Variants in PIP5K1B observed in about 807,000 individuals in gnomAD.
PIP5K1B encodes phosphatidylinositol-4-phosphate 5-kinase type 1 beta, also known as phosphatidylinositol 4-phosphate 5-kinase type-1 beta.
Under a neutral mutation model 67.0 loss-of-function variants are expected in PIP5K1B, and 42 were observed. That is an observed-to-expected ratio of 0.63 (90% CI 0.49 to 0.81). The LOEUF (loss-of-function observed/expected upper bound fraction) is 0.81. Ranked by LOEUF, PIP5K1B falls within the 30% of genes least tolerant of loss-of-function variation. PIP5K1B has a pLI of 0.00. For missense variants in PIP5K1B, 459 were observed against 646.3 expected (o/e 0.71, Z 3.14); for synonymous variants, 214 against 231.4 (o/e 0.92, Z 0.68).
chr9:69,000,559 C>G (rs1830778442), intron 15 of PIP5K1B, among the ~76,000 whole-genome samples: 1 of 152,154 alleles, frequency 6.6e-6, no homozygotes, highest in Non-Finnish European at 1.5e-5. Context: ...AGGATCTGTT[C>G]TAGCCTTTCG....
At chr9:68,994,284 C>T (rs896459243) in intron 15 of PIP5K1B, among the ~76,000 whole-genome samples, 6 of 151,938 alleles carry the variant, frequency 3.9e-5, no homozygotes, top group African/African-American at 1.2e-4. Flanking sequence ...TCAGGTGATC[C>T]GCCCGCCTCG....
intron 1 of PIP5K1B, among the ~76,000 whole-genome samples, chr9:68,710,072 T>C (rs893206121): frequency 6.6e-6 from 1 of 152,248 alleles, no homozygotes; most frequent in Non-Finnish European, 1.5e-5. Context: ...TTCTGTTAGA[T>C]GGTGAGTCAG....
chr9:68,922,868 C>T (rs1305130809), intron 11 of PIP5K1B, among the ~76,000 whole-genome samples: 1 of 152,202 alleles, frequency 6.6e-6, no homozygotes, highest in African/African-American at 2.4e-5. Flanking sequence ...GTCAATGTCA[C>T]TCTTACATTA....
At position 68,802,247 on chromosome 9, in the gene PIP5K1B, A is replaced by G. The variant is rs143392432; in HGVS notation, c.-85-16214A>G. 1.8e-3 allele frequency among the ~76,000 whole-genome samples: 280 copies of G among 152,346 alleles called. 3 individuals are homozygous for G. Among genetic ancestry groups the G allele is most frequent in the Admixed American group, 0.016 (248 of 15,304 alleles). ...TTTGATGCTTGAACATTCCTTGATT[A>G]TCCAGTGCTAAAAGGAGGAAGAAAA... On this transcript the variant is annotated intron_variant, in intron 2 of 15. Transcript: ENST00000265382.
At chr9:68,706,704 T>C (rs1827141246) in intron 1 of PIP5K1B, among the ~76,000 whole-genome samples, 1 of 152,146 alleles carries the variant, frequency 6.6e-6, no homozygotes, top group South Asian at 2.1e-4. Flanking sequence ...GGCCCTAGCT[T>C]TAAGGGGAAT....
intron 4 of PIP5K1B, chr9:68,824,196 A>G (rs1564163429): frequency 1.9e-6 from 1 of 518,962 alleles, no homozygotes; most frequent in Non-Finnish European, 3.8e-6. Flanking sequence ...CTAGCCTGTT[A>G]TTACTTCAGA....
chr9:68,958,458 C>G (rs1281705830), intron 14 of PIP5K1B, among the ~76,000 whole-genome samples: 1 of 152,068 alleles, frequency 6.6e-6, no homozygotes, highest in East Asian at 1.9e-4. Flanking sequence ...AAACTAAAAG[C>G]CTGTTCTGGA....
chr9:68,764,510 AAGCTTAACTCATCAAGTTACTACTG>A (rs527522472), intron 2 of PIP5K1B, among the ~76,000 whole-genome samples: 188 of 152,216 alleles, frequency 1.2e-3, no homozygotes, highest in African/African-American at 4.2e-3. Context: ...GTATAATAAT[AAGCTTAACTCATCAAGTTACTACTG>A]TAGGCCTTTA....
chr9:68,911,305 G>T (rs371729191), intron 8 of PIP5K1B, among the ~76,000 whole-genome samples: 3 of 151,554 alleles, frequency 2.0e-5, no homozygotes, highest in East Asian at 3.9e-4. Context: ...CCCGGGAAGC[G>T]GAGGTTGCAG....
chr9:68,854,246 T>A (rs1386192319), intron 4 of PIP5K1B, among the ~76,000 whole-genome samples: 3 of 150,224 alleles, frequency 2.0e-5, no homozygotes, highest in Non-Finnish European at 3.0e-5. Context: ...TCCTCCTGCC[T>A]CAGCCTCCTG....
chr9:68,729,362 T>C (rs4745227), intron 1 of PIP5K1B, among the ~76,000 whole-genome samples: 86,629 of 151,908 alleles, frequency 0.57, 25,044 homozygotes, highest in East Asian at 0.69. Flanking sequence ...AAACTCTTGC[T>C]TTCTGTTACC....
At chr9:68,861,563 A>C (rs2132252853) in intron 4 of PIP5K1B, among the ~76,000 whole-genome samples, 1 of 152,286 alleles carries the variant, frequency 6.6e-6, no homozygotes, top group East Asian at 1.9e-4. Context: ...AAGCAGATAC[A>C]GATAGTTCTG....
intron 2 of PIP5K1B, among the ~76,000 whole-genome samples, chr9:68,747,782 A>C (rs1829396637): frequency 6.6e-6 from 1 of 152,184 alleles, no homozygotes; most frequent in Non-Finnish European, 1.5e-5. Context: ...ATATAAAATC[A>C]TAATATCTTA....
At chr9:68,743,875 C>T (rs1240815800) in intron 2 of PIP5K1B, among the ~76,000 whole-genome samples, 1 of 152,150 alleles carries the variant, frequency 6.6e-6, no homozygotes, top group Admixed American at 6.5e-5. Context: ...GAGGCTCTGG[C>T]CTTCTCAACT....
intron 4 of PIP5K1B, among the ~76,000 whole-genome samples, chr9:68,856,350 G>A (rs1467511947): frequency 6.6e-6 from 1 of 151,984 alleles, no homozygotes; most frequent in Non-Finnish European, 1.5e-5. Flanking sequence ...ATTCCTTAAG[G>A]GCAAGACTCT....
rs578039018 is a variant in PIP5K1B at position 68,849,786 on chromosome 9, C to G, written c.70-14051C>G. ...CCCTCAAGAATAAGTGTGAGAAGGG[C>G]ACATTGGTGTTTTACTTTCTGTAGT... On this transcript the variant is annotated intron_variant, in intron 4 of 15. Transcript: ENST00000265382. Among the ~76,000 whole-genome samples, 4 of 152,290 alleles carry G rather than the reference C, an allele frequency of 2.6e-5. No homozygotes were observed. In the East Asian group the frequency reaches 5.8e-4, roughly 22 times the overall value.
At chr9:69,001,060 G>A (rs1343773819) in intron 15 of PIP5K1B, among the ~76,000 whole-genome samples, 2 of 151,820 alleles carry the variant, frequency 1.3e-5, no homozygotes, top group Admixed American at 6.6e-5. Flanking sequence ...CACCACACCC[G>A]GCTAATTTTT....
chr9:68,761,043 A>G (rs1187502309), intron 2 of PIP5K1B, among the ~76,000 whole-genome samples: 1 of 152,106 alleles, frequency 6.6e-6, no homozygotes, highest in Non-Finnish European at 1.5e-5. Context: ...ATAATTGGAG[A>G]GAGAGAGAGA....
intron 7 of PIP5K1B, among the ~76,000 whole-genome samples, chr9:68,891,885 A>G (rs1824810007): frequency 6.6e-6 from 1 of 152,196 alleles, no homozygotes; most frequent in Admixed American, 6.5e-5. Flanking sequence ...AACAACTTAT[A>G]ATGAACCCTA....
Sources: allele counts gnomAD v4.1 joint callset (sites outside exome capture counted in the v4.1 genomes callset), GRCh38; gene constraint gnomAD v4.1.1; transcripts MANE v1.5; gene names NCBI Gene and HGNC (gene_info 2026-07-23, HGNC 2026-07-21).